LOXHD1: variants seen among roughly 807,000 people sequenced by gnomAD.
LOXHD1 encodes the protein lipoxygenase homology PLAT domains 1.
LOXHD1 carries 205 observed loss-of-function variants against 248.2 expected under a neutral mutation model. The ratio of observed to expected loss-of-function variants is 0.83; its 90% confidence interval spans 0.74 to 0.93. The LOEUF (loss-of-function observed/expected upper bound fraction) is 0.93. Among genes scored for constraint, LOXHD1 ranks in the 40% least tolerant of loss-of-function variants. The probability of loss-of-function intolerance (pLI) is 0.00; values close to 1 mark genes in which losing one functional copy is unlikely to be tolerated. For missense variants in LOXHD1, 2,930 were observed against 2,971.6 expected (o/e 0.99, Z 0.33); for synonymous variants, 1,113 against 1,162.8 (o/e 0.96, Z 0.87).
chr18:46,584,005 G>A (rs187291656), intron 12 of LOXHD1, among the ~76,000 whole-genome samples: 6 of 152,048 alleles, frequency 3.9e-5, no homozygotes, highest in Non-Finnish European at 7.4e-5. Flanking sequence ...AATGCAATAC[G>A]ATTCAGCCAC....
chr18:46,488,560 A>G (rs563100580), intron 38 of LOXHD1, among the ~76,000 whole-genome samples: 2 of 152,290 alleles, frequency 1.3e-5, no homozygotes, highest in East Asian at 3.9e-4. Flanking sequence ...TGAGGAAGGG[A>G]CAAAAGGAAA....
At chr18:46,530,593 C>T (rs2036021573) in intron 28 of LOXHD1, among the ~76,000 whole-genome samples, 1 of 152,144 alleles carries the variant, frequency 6.6e-6, no homozygotes. Flanking sequence ...AAGGGGATTC[C>T]CCTCCCTGCC....
chr18:46,595,482 T>C (rs926595664), intron 8 of LOXHD1, among the ~76,000 whole-genome samples: 4 of 152,202 alleles, frequency 2.6e-5, no homozygotes, highest in Non-Finnish European at 4.4e-5. Flanking sequence ...ATTCAATAGA[T>C]AGGAAACCTG....
Position 46,479,128 on chromosome 18 carries a change from C to T in LOXHD1, c.6342-1176G>A, listed in dbSNP as rs566663996. On this transcript the variant is annotated intron_variant, in intron 40 of 40. Transcript: ENST00000642948. ...TCACCTTTAGAGGGAGTTGCTGAAT[C>T]CAGAGTGACAATTTTAGGCAAAACC... 2.0e-5 allele frequency among the ~76,000 whole-genome samples: 3 copies of T among 151,940 alleles called. No individual in the cohort carries two copies. The South Asian group carries it at 6.3e-4, about 32-fold the overall frequency.
intron 26 of LOXHD1, among the ~76,000 whole-genome samples, chr18:46,537,541 C>A (rs2036365864): frequency 6.6e-6 from 1 of 152,198 alleles, no homozygotes; most frequent in Admixed American, 6.5e-5. Context: ...TCCCACCCAA[C>A]CTAGTGCACA....
chr18:46,490,553 G>A (rs2033392306), intron 37 of LOXHD1, among the ~76,000 whole-genome samples: 1 of 152,136 alleles, frequency 6.6e-6, no homozygotes, highest in South Asian at 2.1e-4. Context: ...TCGGCTCACC[G>A]CAACCTCCGC....
chr18:46,647,518 G>C (rs529314176), intron 2 of LOXHD1, among the ~76,000 whole-genome samples: 6 of 152,210 alleles, frequency 3.9e-5, no homozygotes, highest in Non-Finnish European at 8.8e-5. Flanking sequence ...AGTGTTTGAG[G>C]CTTCTCCCTA....
chr18:46,527,589 G>A (rs895515450), intron 29 of LOXHD1, among the ~76,000 whole-genome samples: 8 of 152,192 alleles, frequency 5.3e-5, no homozygotes, highest in African/African-American at 1.7e-4. Flanking sequence ...CAGGTGACCT[G>A]CCCCTAGCAT....
intron 18 of LOXHD1, 93 bp from the exon 19 acceptor site, chr18:46,560,638 C>T: frequency 1.7e-6 from 2 of 1,209,994 alleles, no homozygotes; most frequent in Non-Finnish European, 2.3e-6. Context: ...GGCACAAGGC[C>T]TGTTTGCTAA....
intron 37 of LOXHD1, among the ~76,000 whole-genome samples, chr18:46,495,940 G>A (rs1286567661): frequency 6.6e-6 from 1 of 152,126 alleles, no homozygotes; most frequent in Non-Finnish European, 1.5e-5. Flanking sequence ...GCTAAGGCAG[G>A]AGAATCGCTT....
At chr18:46,506,997 T>C (rs748605289) in intron 36 of LOXHD1, among the ~76,000 whole-genome samples, 31 of 152,216 alleles carry the variant, frequency 2.0e-4, no homozygotes, top group Non-Finnish European at 2.9e-4. Flanking sequence ...ATCCTTCCTC[T>C]GGGTGCCCTG....
chr18:46,633,265 T>A (rs1262466178), intron 4 of LOXHD1, among the ~76,000 whole-genome samples: 1 of 152,172 alleles, frequency 6.6e-6, no homozygotes, highest in Non-Finnish European at 1.5e-5. Context: ...GGTAGTGGCA[T>A]AAAGACAGTC....
At chr18:46,643,347 G>A (rs987383230) in intron 2 of LOXHD1, among the ~76,000 whole-genome samples, 13 of 152,128 alleles carry the variant, frequency 8.5e-5, no homozygotes, top group Non-Finnish European at 1.6e-4. Flanking sequence ...AGGAAGCAGG[G>A]CAAAGTGCCC....
chr18:46,488,612 A>T (rs990763715), intron 38 of LOXHD1, among the ~76,000 whole-genome samples: 60 of 152,324 alleles, frequency 3.9e-4, no homozygotes, highest in African/African-American at 1.3e-3. Context: ...TTCTGTTTCT[A>T]GGAAGCGTTG....
chr18:46,614,869 C>T (rs116287182), intron 5 of LOXHD1, among the ~76,000 whole-genome samples: 2,319 of 152,112 alleles, frequency 0.015, 60 homozygotes, highest in African/African-American at 0.053. Flanking sequence ...TTTCCCTATT[C>T]TTCGAAACTA....
chr18:46,585,673 G>C (rs2038046427), intron 12 of LOXHD1, among the ~76,000 whole-genome samples: 1 of 152,108 alleles, frequency 6.6e-6, no homozygotes, highest in Non-Finnish European at 1.5e-5. Flanking sequence ...CTTATTTGTA[G>C]AAATTGACAA....
intron 37 of LOXHD1, among the ~76,000 whole-genome samples, chr18:46,490,480 T>A (rs1786926653): frequency 6.6e-6 from 1 of 152,256 alleles, no homozygotes; most frequent in South Asian, 2.1e-4. Flanking sequence ...AAGTTACTTA[T>A]TTATTTATTT....
Position 46,642,015 on chromosome 18 carries a change from C to T in LOXHD1, c.267G>A (p.Lys89=). 1 of 1,552,288 alleles carries T rather than the reference C, an allele frequency of 6.4e-7. No homozygotes were observed. The highest frequency in any genetic ancestry group is 8.7e-7 in the Non-Finnish European group (1 of 1,147,096). Residue 89 remains lysine (K), a synonymous_variant, in exon 3 of 41, where the codon AAG becomes AAA. Transcript: ENST00000642948. The stretch of plus-strand genomic sequence containing the variant: ...TCACCCGGAACACATCGACGTTGCC[C>T]TTCTCAAAGGCAGACTTGCTCCTGC... The part of the protein sequence containing the change: ...LTSKSKSAFE[K]GNVDVFRVRT...
chr18:46,567,033 C>T (rs897756007), intron 16 of LOXHD1, among the ~76,000 whole-genome samples: 4 of 152,230 alleles, frequency 2.6e-5, no homozygotes, highest in African/African-American at 9.6e-5. Context: ...TCCAATAACA[C>T]TCTATAATTG....
Sources: allele counts gnomAD v4.1 joint callset (sites outside exome capture counted in the v4.1 genomes callset), GRCh38; gene constraint gnomAD v4.1.1; transcripts MANE v1.5; gene names NCBI Gene and HGNC (gene_info 2026-07-23, HGNC 2026-07-21).